The following CDYL2 variants were observed in gnomAD, a reference collection of about 807,000 sequenced individuals.
The protein encoded by CDYL2 is chromodomain Y-like protein 2.
In CDYL2, 23 loss-of-function variants were observed where a neutral mutation model predicts 49.4. The observed-to-expected ratio is 0.47, with a 90% CI of 0.34 to 0.66. CDYL2 has a LOEUF of 0.66. Ranked by LOEUF, CDYL2 falls within the 30% of genes least tolerant of loss-of-function variation. CDYL2 has a pLI of 0.01. For synonymous variants in CDYL2, 360 were observed against 268.8 expected (o/e 1.34, Z -3.32); for missense variants, 678 against 656.4 (o/e 1.03, Z -0.36).
chr16:80,723,802 G>T (rs1225608034), intron 1 of CDYL2, among the ~76,000 whole-genome samples: 1 of 152,104 alleles, frequency 6.6e-6, no homozygotes, highest in Non-Finnish European at 1.5e-5. Context: ...CTCTGGCATT[G>T]GTAGAAAGTC....
At chr16:80,779,638 T>C (rs1293815593) in intron 1 of CDYL2, among the ~76,000 whole-genome samples, 1 of 151,992 alleles carries the variant, frequency 6.6e-6, no homozygotes, top group Admixed American at 6.6e-5. Flanking sequence ...TAAAACAAAG[T>C]GATAAAATAT....
chr16:80,726,172 A>C (rs1208062215), intron 1 of CDYL2, among the ~76,000 whole-genome samples: 1 of 152,226 alleles, frequency 6.6e-6, no homozygotes, highest in Non-Finnish European at 1.5e-5. Context: ...AGTTCCGTAT[A>C]AGATTCTATT....
At chr16:80,773,153 C>T (rs1366916649) in intron 1 of CDYL2, among the ~76,000 whole-genome samples, 1 of 152,008 alleles carries the variant, frequency 6.6e-6, no homozygotes, top group Non-Finnish European at 1.5e-5. Flanking sequence ...TATGATGTAG[C>T]TGTACTAATA....
At chr16:80,629,723 T>A (rs186782915) in intron 3 of CDYL2, among the ~76,000 whole-genome samples, 5 of 152,354 alleles carry the variant, frequency 3.3e-5, no homozygotes, top group Admixed American at 6.5e-5. Context: ...TTTCTGCCCA[T>A]GAGGCCAATC....
At chr16:80,641,594 G>A (rs1252384814) in intron 2 of CDYL2, among the ~76,000 whole-genome samples, 18 of 152,014 alleles carry the variant, frequency 1.2e-4, no homozygotes, top group East Asian at 7.7e-4. Context: ...CATGTCCTTC[G>A]TAGGGACATG....
At chr16:80,772,175 T>C (rs1399789251) in intron 1 of CDYL2, among the ~76,000 whole-genome samples, 2 of 152,128 alleles carry the variant, frequency 1.3e-5, no homozygotes, top group Non-Finnish European at 2.9e-5. Context: ...GAAATAAAGC[T>C]TTTTTAGGCA....
chr16:80,795,250 C>T (rs1907736048), intron 1 of CDYL2, among the ~76,000 whole-genome samples: 1 of 152,102 alleles, frequency 6.6e-6, no homozygotes, highest in Non-Finnish European at 1.5e-5. Context: ...CAAACGTATC[C>T]CTCAAGTCTC....
Position 80,600,041 on chromosome 16 carries a change from T to C in CDYL2, c.*4347A>G, listed in dbSNP as rs1185962329. On this transcript the variant is annotated 3_prime_UTR_variant, in exon 7 of 7. Transcript: ENST00000570137. The stretch of plus-strand genomic sequence containing the variant: ...TTTTGCAACAAGCTTAAGGCTCTGT[T>C]CACAAACTCCATCAACTGCCACACA... 3 of 152,194 alleles carry C rather than the reference T, an allele frequency of 2.0e-5. No homozygotes were observed. Among genetic ancestry groups the C allele is most frequent in the African/African-American group, 7.2e-5 (3 of 41,448 alleles). The allele number at this position is 152,194 out of a possible 1,614,324, so 9.4% of individuals were successfully genotyped here.
chr16:80,735,365 A>C (rs926984098), intron 1 of CDYL2, among the ~76,000 whole-genome samples: 3 of 152,206 alleles, frequency 2.0e-5, no homozygotes, highest in African/African-American at 7.2e-5. Flanking sequence ...TGACATCCTT[A>C]AAGAGTTTTA....
At chr16:80,804,053 C>A in intron 1 of CDYL2, 97 bp downstream of exon 1, 1 of 878,670 alleles carries the variant, frequency 1.1e-6, no homozygotes, top group South Asian at 5.1e-5. Context: ...CTCCGGATTG[C>A]GCCCGGCCCC....
At chr16:80,679,704 C>T in intron 2 of CDYL2, 1 of 456,106 alleles carries the variant, frequency 2.2e-6, no homozygotes, top group Non-Finnish European at 4.4e-6. Flanking sequence ...AGGTGCAGAG[C>T]ACAAGCACTT....
intron 1 of CDYL2, among the ~76,000 whole-genome samples, chr16:80,711,020 C>T (rs1904577241): frequency 6.6e-6 from 1 of 152,216 alleles, no homozygotes; most frequent in African/African-American, 2.4e-5. Flanking sequence ...ATTTGCAGCC[C>T]TGCTGCTTGC....
At chr16:80,796,264 C>T (rs1907766151) in intron 1 of CDYL2, among the ~76,000 whole-genome samples, 1 of 152,140 alleles carries the variant, frequency 6.6e-6, no homozygotes, top group Non-Finnish European at 1.5e-5. Context: ...GAGTCAGGAC[C>T]ATGAAGATTA....
intron 2 of CDYL2, among the ~76,000 whole-genome samples, chr16:80,672,116 T>C (rs772509592): frequency 2.6e-5 from 4 of 152,206 alleles, no homozygotes; most frequent in Non-Finnish European, 5.9e-5. Flanking sequence ...AAGCATCATT[T>C]TGATGCTCAG....
At chr16:80,700,775 T>A (rs74839382) in intron 1 of CDYL2, among the ~76,000 whole-genome samples, 2 of 152,356 alleles carry the variant, frequency 1.3e-5, no homozygotes, top group African/African-American at 4.8e-5. Context: ...TCTCTCCTCC[T>A]CCTCCCACAC....
rs376956223 is a variant in CDYL2, at chr16:80,742,613, AATGAATGG to A, written c.25-57492_25-57485del. Among the ~76,000 whole-genome samples, 782 of 148,816 alleles carry A rather than the reference AATGAATGG, an allele frequency of 5.3e-3. 7 individuals carry two copies. The highest frequency in any genetic ancestry group is 0.018 in the African/African-American group (739 of 40,226). On this transcript the variant is annotated intron_variant, in intron 1 of 6. Coordinates refer to ENST00000570137, the MANE Select transcript of CDYL2 (RefSeq NM_152342.4). ...GTAGATAGGTGGAGGATGGATGGAG[AATGAATGG>A]ATGAATGGATGGATGGATGGATGGA... is the stretch of plus-strand genomic sequence containing the variant.
At chr16:80,746,146 A>G (rs552998795) in intron 1 of CDYL2, among the ~76,000 whole-genome samples, 133 of 152,296 alleles carry the variant, frequency 8.7e-4, no homozygotes, top group Middle Eastern at 3.4e-3. Context: ...GTACCTGCAC[A>G]AAATGCTGGG....
At chr16:80,719,508 C>T (rs1305663794) in intron 1 of CDYL2, among the ~76,000 whole-genome samples, 2 of 152,188 alleles carry the variant, frequency 1.3e-5, no homozygotes, top group South Asian at 2.1e-4. Context: ...AACAAGACCC[C>T]TCGTCATTTG....
intron 5 of CDYL2, among the ~76,000 whole-genome samples, chr16:80,609,875 T>C (rs1016586163): frequency 6.6e-6 from 1 of 152,080 alleles, no homozygotes; most frequent in Non-Finnish European, 1.5e-5. Context: ...CAACCCACTC[T>C]AGAGCTAAGA....
Sources: gnomAD v4.1 joint callset for allele counts (sites outside exome capture counted in the v4.1 genomes callset) on GRCh38, gnomAD v4.1.1 for gene constraint, MANE v1.5 for transcripts, NCBI Gene and HGNC (gene_info 2026-07-23, HGNC 2026-07-21) for gene names.